The following SUCLG2 variants were observed in gnomAD, a reference collection of about 807,000 sequenced individuals.
The protein encoded by SUCLG2 is succinate--CoA ligase [GDP-forming] subunit beta, mitochondrial.
A neutral mutation model predicts 47.9 loss-of-function variants in SUCLG2; 42 were observed. That is an observed-to-expected ratio of 0.88 (90% confidence interval 0.69 to 1.14). The LOEUF (loss-of-function observed/expected upper bound fraction) is 1.14. Ranked by LOEUF, SUCLG2 falls within the 50% of genes most tolerant of loss-of-function variation. The pLI is 0.00. For synonymous variants in SUCLG2, 195 were observed against 197.3 expected, an observed-to-expected ratio of 0.99 and a Z score of 0.10; for missense variants, 571 against 525.9, an observed-to-expected ratio of 1.09 and a Z score of -0.84.
At chr3:67,512,922 T>C (rs1705836013) in intron 6 of SUCLG2, among the ~76,000 whole-genome samples, 1 of 150,624 alleles carries the variant, frequency 6.6e-6, no homozygotes, top group Non-Finnish European at 1.5e-5. Context: ...CCCCCCTCTA[T>C]ATATACGCAC....
chr3:67,518,430 A>G, intron 5 of SUCLG2, 94 bp from the exon 6 acceptor site: 1 of 1,148,152 alleles, frequency 8.7e-7, no homozygotes. Context: ...TTTGCAAATG[A>G]GTAATTAAAG....
chr3:67,473,618 A>C (rs1177661957), intron 9 of SUCLG2, among the ~76,000 whole-genome samples: 2 of 152,148 alleles, frequency 1.3e-5, no homozygotes, highest in African/African-American at 4.8e-5. Flanking sequence ...TGCACACTTC[A>C]TTTTAGAGGG....
At chr3:67,533,021 C>G (rs1278291208) in intron 2 of SUCLG2, among the ~76,000 whole-genome samples, 4 of 152,072 alleles carry the variant, frequency 2.6e-5, no homozygotes, top group Admixed American at 1.3e-4. Flanking sequence ...ATAGAATACA[C>G]ATTTTTAATT....
chr3:67,399,675 C>T (rs916373738), intron 10 of SUCLG2, among the ~76,000 whole-genome samples: 1 of 152,102 alleles, frequency 6.6e-6, no homozygotes, highest in African/African-American at 2.4e-5. Flanking sequence ...TGCATAATCA[C>T]AAATTTTCTG....
At chr3:67,529,706 T>C (rs1398531557) in intron 2 of SUCLG2, among the ~76,000 whole-genome samples, 2 of 152,052 alleles carry the variant, frequency 1.3e-5, no homozygotes, top group African/African-American at 2.4e-5. Flanking sequence ...ACTGATAGGG[T>C]TGGGAAAGGG....
intron 6 of SUCLG2, among the ~76,000 whole-genome samples, chr3:67,511,680 G>C (rs1287920976): frequency 6.6e-6 from 1 of 152,174 alleles, no homozygotes; most frequent in Non-Finnish European, 1.5e-5. Flanking sequence ...GAACAGACGA[G>C]TACACTCACA....
chr3:67,611,751 T>A (rs1467138791), intron 1 of SUCLG2, among the ~76,000 whole-genome samples: 4 of 152,182 alleles, frequency 2.6e-5, no homozygotes, highest in Non-Finnish European at 5.9e-5. Context: ...ACACTCGCCA[T>A]ATTAATTTTA....
At chr3:67,559,794 G>A (rs1437770837) in intron 2 of SUCLG2, among the ~76,000 whole-genome samples, 2 of 152,072 alleles carry the variant, frequency 1.3e-5, no homozygotes, top group African/African-American at 2.4e-5. Context: ...AATGCTATAA[G>A]GACAAATATA....
At chr3:67,516,656 G>C (rs1036632579) in intron 6 of SUCLG2, among the ~76,000 whole-genome samples, 13 of 152,200 alleles carry the variant, frequency 8.5e-5, no homozygotes, top group Admixed American at 3.3e-4. Context: ...TAGATGCCAA[G>C]CACTTTGCCA....
chr3:67,562,891 G>A lies in SUCLG2; in HGVS notation c.227-33705C>T, dbSNP rs543118076. ...AGTCTTGCAAACCTTAGTGAACTGT[G>A]TATGTATGTACACATATAAAAAATT... On this transcript the variant is annotated intron_variant, in intron 2 of 10. Transcript: ENST00000307227. Among the ~76,000 whole-genome samples the A allele has an allele frequency of 7.3e-4, 111 of 151,980 alleles. 1 individual carries two copies. Among genetic ancestry groups the A allele is most frequent in the Admixed American group, 1.4e-3 (22 of 15,278 alleles).
chr3:67,399,160 T>G (rs910565003), intron 10 of SUCLG2, among the ~76,000 whole-genome samples: 1 of 149,790 alleles, frequency 6.7e-6, no homozygotes, highest in Non-Finnish European at 1.5e-5. Flanking sequence ...ACCCTAAAAC[T>G]TAAAGTATAA....
intron 9 of SUCLG2, among the ~76,000 whole-genome samples, chr3:67,490,954 CA>C (rs1007828256): frequency 5.9e-5 from 9 of 151,976 alleles, no homozygotes; most frequent in African/African-American, 2.2e-4. Flanking sequence ...ATAACAAATG[CA>C]AAAGAGTATA....
intron 9 of SUCLG2, among the ~76,000 whole-genome samples, chr3:67,406,116 A>G (rs1702801406): frequency 6.6e-6 from 1 of 152,184 alleles, no homozygotes; most frequent in Non-Finnish European, 1.5e-5. Context: ...CAGATGAGAA[A>G]ACCAAGACTC....
chr3:67,508,792 C>CTT lies in SUCLG2; in HGVS notation c.757+13_757+14dup. 6.0e-5 allele frequency: 74 copies of CTT among 1,231,352 alleles called. No homozygotes were observed. The highest frequency in any genetic ancestry group is 2.1e-4 in the Middle Eastern group (1 of 4,692). 76.3% of individuals were successfully genotyped at this position (1,231,352 alleles called of 1,614,324 possible). A position where few individuals can be genotyped will look rare whatever the true frequency, so the allele number is the denominator to read the frequency against. On this transcript the variant is annotated intron_variant, in intron 7 of 10. Transcript: ENST00000307227. Reference sequence around the variant, plus strand: ...AATACATTCATTTGTTTTCTCAATTCTTTTTTTTTTTTACCTTGTCCTTCT... The same window carrying CTT: ...AATACATTCATTTGTTTTCTCAATTCTTTTTTTTTTTTTTACCTTGTCCTTCT...
At chr3:67,550,811 C>A (rs1706994011) in intron 2 of SUCLG2, among the ~76,000 whole-genome samples, 2 of 152,018 alleles carry the variant, frequency 1.3e-5, no homozygotes, top group African/African-American at 2.4e-5. Context: ...GCGGCTTTGG[C>A]CAAGTGAATA....
Position 67,375,578 on chromosome 3 carries a change from T to C in SUCLG2, c.*166A>G. 7.0e-7 allele frequency: 1 copy of C among 1,420,572 alleles called. No individual in the cohort carries two copies. Among genetic ancestry groups the C allele is most frequent in the Non-Finnish European group, 9.2e-7 (1 of 1,091,342 alleles). 88.0% of individuals were successfully genotyped at this position (1,420,572 alleles called of 1,614,324 possible). A position where few individuals can be genotyped will look rare whatever the true frequency, so the allele number is the denominator to read the frequency against. ...AAAGACCAAAATCAGATTTAGGCTG[T>C]CTAGATATCTTATTCCAGAAAACAC... On this transcript the variant is annotated 3_prime_UTR_variant, in exon 11 of 11. Transcript: ENST00000307227.
intron 10 of SUCLG2, among the ~76,000 whole-genome samples, chr3:67,396,595 A>C (rs1702535847): frequency 6.6e-6 from 1 of 152,158 alleles, no homozygotes; most frequent in Non-Finnish European, 1.5e-5. Context: ...CCAGAGGTAC[A>C]AGGAGGAACT....
chr3:67,431,431 C>CTAG (rs1216531686), intron 9 of SUCLG2, among the ~76,000 whole-genome samples: 6 of 152,084 alleles, frequency 3.9e-5, no homozygotes, highest in African/African-American at 1.4e-4. Context: ...TCTCAGTGAA[C>CTAG]TAGGTATTGA....
At chr3:67,406,931 AACCAACACTGTTTC>A (rs1702825968) in intron 9 of SUCLG2, among the ~76,000 whole-genome samples, 1 of 152,186 alleles carries the variant, frequency 6.6e-6, no homozygotes, top group South Asian at 2.1e-4. Context: ...TTACAGTTCA[AACCAACACTGTTTC>A]ACCACAGCAC....
Sources: allele counts gnomAD v4.1 joint callset (sites outside exome capture counted in the v4.1 genomes callset), GRCh38; gene constraint gnomAD v4.1.1; transcripts MANE v1.5; gene names NCBI Gene and HGNC (gene_info 2026-07-23, HGNC 2026-07-21).